The following PDXK variants were observed in gnomAD, a reference collection of about 807,000 sequenced individuals.
PDXK encodes the protein epididymis secretory sperm binding protein Li 1a.
PDXK carries 15 observed loss-of-function variants against 43.2 expected under a neutral mutation model. The observed-to-expected ratio is 0.35, with a 90% CI of 0.23 to 0.53. The LOEUF (loss-of-function observed/expected upper bound fraction) is 0.53, where lower values mean the gene tolerates loss of function less well. PDXK is among the 20% of genes least tolerant of loss of function. The probability of loss-of-function intolerance (pLI) is 0.92; values close to 1 mark genes in which losing one functional copy is unlikely to be tolerated. For synonymous variants in PDXK, 172 were observed against 165.4 expected, an observed-to-expected ratio of 1.04 and a Z score of -0.31; for missense variants, 343 against 417.0, an observed-to-expected ratio of 0.82 and a Z score of 1.54.
At chr21:43,753,109 A>G (rs1285131545) in intron 8 of PDXK, among the ~76,000 whole-genome samples, 1 of 152,146 alleles carries the variant, frequency 6.6e-6, no homozygotes, top group Non-Finnish European at 1.5e-5. Context: ...CATAGGCACA[A>G]ATGCACATAC....
Position 43,728,722 on chromosome 21 carries a change from C to T in PDXK, c.88-5347C>T, listed in dbSNP as rs916926809. The T allele has an allele frequency of 3.0e-6, 3 of 985,518 alleles. No individual in the cohort carries two copies. In the African/African-American group the frequency reaches 5.2e-5, roughly 17 times the overall value. 61.0% of individuals were successfully genotyped at this position (985,518 alleles called of 1,614,324 possible). On this transcript the variant is annotated intron_variant, in intron 1 of 10. Transcript: ENST00000291565. ...GGCAGGAGGAGGGCTGCTCACACCA[C>T]CGGCCGAGGGAGGAGGACTGCGGGC...
At chr21:43,719,438 G>A in intron 1 of PDXK, 57 bp downstream of exon 1, 2 of 1,459,724 alleles carry the variant, frequency 1.4e-6, no homozygotes, top group Non-Finnish European at 1.8e-6. Flanking sequence ...CCTTGGCGGG[G>A]CTGCCCGAGA....
At chr21:43,755,358 C>T (rs1468120913) in intron 9 of PDXK, 1 of 277,494 alleles carries the variant, frequency 3.6e-6, no homozygotes. Context: ...AGCACTTCCC[C>T]TTGTAGACTC....
chr21:43,731,671 A>G (rs569685246), intron 1 of PDXK, among the ~76,000 whole-genome samples: 10 of 148,784 alleles, frequency 6.7e-5, no homozygotes, highest in Admixed American at 2.6e-4. Flanking sequence ...TGGAGAGCCC[A>G]GCAGCCCGCT....
chr21:43,738,417 C>A (rs2083439869), intron 2 of PDXK: 1 of 151,772 alleles, frequency 6.6e-6, no homozygotes, highest in Non-Finnish European at 1.5e-5. Context: ...CCCGATGGCA[C>A]CCTGTATTAG....
chr21:43,719,991 G>A (rs2083193620), intron 1 of PDXK: 1 of 888,502 alleles, frequency 1.1e-6, no homozygotes, highest in Non-Finnish European at 1.3e-6. Context: ...GCACCCTCTA[G>A]CAGAGCGGCA....
Sources: allele counts gnomAD v4.1 joint callset (sites outside exome capture counted in the v4.1 genomes callset), GRCh38; gene constraint gnomAD v4.1.1; transcripts MANE v1.5; gene names NCBI Gene and HGNC (gene_info 2026-07-23, HGNC 2026-07-21).